PMS1: variants seen among roughly 807,000 people sequenced by gnomAD.
PMS1 encodes PMS1 protein homolog 1.
In PMS1, 79 loss-of-function variants were observed where a neutral mutation model predicts 93.1. The ratio of observed to expected loss-of-function variants is 0.85; its 90% CI spans 0.71 to 1.02. The LOEUF (loss-of-function observed/expected upper bound fraction) is 1.02. PMS1 is among the 50% of genes least tolerant of loss of function. The pLI is 0.00. For missense variants in PMS1, 1,064 were observed against 1,085.3 expected, an observed-to-expected ratio of 0.98 and a Z score of 0.28; for synonymous variants, 335 against 363.4, an observed-to-expected ratio of 0.92 and a Z score of 0.89.
At chr2:189,817,992 G>T in intron 4 of PMS1, 25 bp from the exon 5 acceptor site, 1 of 1,571,504 alleles carries the variant, frequency 6.4e-7, no homozygotes, top group Non-Finnish European at 8.8e-7. Context: ...AAATCTAAAT[G>T]TGCTTTTCTC....
At chr2:189,862,618 G>C (rs1312314744) in intron 9 of PMS1, among the ~76,000 whole-genome samples, 1 of 152,114 alleles carries the variant, frequency 6.6e-6, no homozygotes, top group Admixed American at 6.5e-5. Context: ...GCTGATTTTT[G>C]TTCTACCAGG....
In PMS1 at chr2:189,830,932, A is replaced by G. The variant is rs540216014; in HGVS notation, c.582+12752A>G. 5.3e-5 allele frequency among the ~76,000 whole-genome samples: 8 copies of G among 152,344 alleles called. 1 individual carries two copies. In the East Asian group the frequency reaches 1.5e-3, roughly 29 times the overall value. On this transcript the variant is annotated intron_variant, in intron 5 of 12. Transcript: ENST00000441310. ...TTGGGAGACTTCTAGAAAGTCACCAAAAAGGGAGGGGTGAGCCTGGCCACT... is the reference window on the plus strand; with the variant it reads ...TTGGGAGACTTCTAGAAAGTCACCAGAAAGGGAGGGGTGAGCCTGGCCACT...
intron 5 of PMS1, among the ~76,000 whole-genome samples, chr2:189,824,127 G>C (rs1304522675): frequency 6.6e-6 from 1 of 152,078 alleles, no homozygotes; most frequent in African/African-American, 2.4e-5. Flanking sequence ...GACATCTAAG[G>C]TACTTTTTAA....
At chr2:189,864,690 ATATATATATATATATATAT>A (rs2056470275) in intron 10 of PMS1, among the ~76,000 whole-genome samples, 13 of 8,394 alleles carry the variant, frequency 1.5e-3, no homozygotes, top group African/African-American at 4.4e-3. Context: ...AAAAAAAAAT[ATATATATATATATATATAT>A]ATATATATAT....
chr2:189,826,389 CT>C (rs1389750014), intron 5 of PMS1, among the ~76,000 whole-genome samples: 1 of 148,516 alleles, frequency 6.7e-6, no homozygotes, highest in African/African-American at 2.5e-5. Context: ...AGGCGGACAT[CT>C]TTTCAGATAT....
chr2:189,861,703 T>G (rs1430765530), intron 9 of PMS1, among the ~76,000 whole-genome samples: 2 of 149,790 alleles, frequency 1.3e-5, no homozygotes, highest in Admixed American at 1.3e-4. Flanking sequence ...TGAGCTGAAA[T>G]CGTGCCACTG....
At chr2:189,861,778 T>A (rs774118897) in intron 9 of PMS1, among the ~76,000 whole-genome samples, 65 of 152,090 alleles carry the variant, frequency 4.3e-4, no homozygotes, top group Non-Finnish European at 7.9e-4. Context: ...CACTGTCATC[T>A]GGCTCTGCAT....
rs1434169877 is a variant in PMS1, at chr2:189,805,502, G to A, written c.316-150G>A. On this transcript the variant is annotated intron_variant, in intron 3 of 12. Transcript: ENST00000441310. ...CTGTTGCTTATTTGTGTAACTCTAA[G>A]GAATATTACAAAAGAACTGGTCACA... 9.9e-6 allele frequency: 7 copies of A among 708,790 alleles called. No homozygotes were observed. The East Asian group carries it at 1.9e-4, about 19-fold the overall frequency. 43.9% of individuals were successfully genotyped at this position (708,790 alleles called of 1,614,324 possible).
chr2:189,819,707 C>T (rs953356068), intron 5 of PMS1, among the ~76,000 whole-genome samples: 34 of 152,140 alleles, frequency 2.2e-4, no homozygotes, highest in African/African-American at 8.2e-4. Context: ...GTCCTTTGCC[C>T]ACTTTTTAAT....
chr2:189,837,089 CTTTAT>C (rs1439131089), intron 5 of PMS1, among the ~76,000 whole-genome samples: 2 of 151,416 alleles, frequency 1.3e-5, no homozygotes, highest in African/African-American at 4.8e-5. Context: ...TCCTTGAATG[CTTTAT>C]TTTAAAAATG....
intron 1 of PMS1, among the ~76,000 whole-genome samples, chr2:189,786,503 A>G (rs1230553774): frequency 1.3e-5 from 2 of 152,164 alleles, no homozygotes; most frequent in Non-Finnish European, 2.9e-5. Context: ...GGATGACTTC[A>G]AGGTTTCTAA....
chr2:189,837,318 A>T (rs937249123), intron 5 of PMS1, among the ~76,000 whole-genome samples: 6 of 151,866 alleles, frequency 4.0e-5, no homozygotes, highest in Non-Finnish European at 8.8e-5. Context: ...TTATAGAAAC[A>T]GGGTCACACT....
At chr2:189,821,731 C>T (rs1198372429) in intron 5 of PMS1, among the ~76,000 whole-genome samples, 3 of 151,708 alleles carry the variant, frequency 2.0e-5, no homozygotes, top group Non-Finnish European at 2.9e-5. Context: ...ATCTCTTGAA[C>T]CTAGGAGGCA....
At chr2:189,797,121 G>A (rs1332154348) in intron 3 of PMS1, among the ~76,000 whole-genome samples, 3 of 152,136 alleles carry the variant, frequency 2.0e-5, no homozygotes, top group African/African-American at 7.2e-5. Context: ...TATTGAGAAA[G>A]CATATCATTT....
At chr2:189,862,202 A>G (rs2056091072) in intron 9 of PMS1, among the ~76,000 whole-genome samples, 1 of 152,026 alleles carries the variant, frequency 6.6e-6, no homozygotes, top group Non-Finnish European at 1.5e-5. Flanking sequence ...ACATTTTATC[A>G]TTTCTATTGA....
In PMS1 at chr2:189,843,998, A is replaced by G; in HGVS notation, c.617A>G (p.His206Arg). 1 of 1,614,052 alleles carries G rather than the reference A, an allele frequency of 6.2e-7. No individual in the cohort carries two copies. Among genetic ancestry groups the G allele is most frequent in the East Asian group, 2.2e-5 (1 of 44,850 alleles). Residue 206 changes from histidine (H) to arginine (R), a missense_variant, in exon 6 of 13, where the codon CAC (histidine) becomes CGC (arginine). By Grantham distance (29) the His-to-Arg change is conservative. Transcript: ENST00000441310. ...TGGCAGAAAAGCAGAGTATCAGATC[A>G]CAAGATGGCTCTCATGTCAGTTCTG... is the stretch of plus-strand genomic sequence containing the variant. Reference protein sequence around the residue: ...VIWQKSRVSDHKMALMSVLGT... With the variant: ...VIWQKSRVSDRKMALMSVLGT...
In PMS1 at chr2:189,863,956, G is replaced by A. The variant is rs1046387116; in HGVS notation, c.2070G>A (p.Arg690=). Residue 690 remains arginine, a synonymous_variant, in exon 10 of 13, where the codon AGG becomes AGA. Transcript: ENST00000441310. ...ELLQSQIEKR[R]SQNIKMVQIP... is the part of the protein sequence containing the mutation. The stretch of plus-strand genomic sequence containing the variant: ...TTCAGTCCCAAATTGAAAAAAGAAG[G>A]AGTCAAAATATTAAAATGGTACAGA... 6.2e-7 allele frequency: 1 copy of A among 1,609,048 alleles called. No individual in the cohort carries two copies. Among genetic ancestry groups the A allele is most frequent in the Non-Finnish European group, 8.5e-7 (1 of 1,176,874 alleles).
chr2:189,818,114 C>A lies in PMS1; in HGVS notation c.516C>A (p.Ile172=), dbSNP rs2106326962. The change falls in exon 5 of 13, where the codon ATC becomes ATA. Residue 172 remains isoleucine (I), a synonymous_variant. Coordinates refer to ENST00000441310, the MANE Select transcript of PMS1 (RefSeq NM_000534.5). ...AATGTAAAGATGAAATAAAAAAGAT[C>A]CAAGATCTCCTCATGAGCTTTGGTA... The part of the protein sequence containing the change: ...AKKCKDEIKK[I]QDLLMSFGIL... 6.2e-7 allele frequency: 1 copy of A among 1,608,524 alleles called. No homozygotes were observed. Among genetic ancestry groups the A allele is most frequent in the Non-Finnish European group, 8.5e-7 (1 of 1,175,414 alleles).
intron 4 of PMS1, among the ~76,000 whole-genome samples, chr2:189,811,201 A>G (rs1195718803): frequency 6.6e-6 from 1 of 151,330 alleles, no homozygotes; most frequent in Admixed American, 6.6e-5. Context: ...AGAGCATCAG[A>G]GACCTGTGGG....
Sources: allele counts gnomAD v4.1 joint callset (sites outside exome capture counted in the v4.1 genomes callset), GRCh38; gene constraint gnomAD v4.1.1; transcripts MANE v1.5; gene names NCBI Gene and HGNC (gene_info 2026-07-23, HGNC 2026-07-21).